Variants in ZNF423 observed in about 807,000 individuals in gnomAD.
ZNF423 encodes Ebf-associated zinc finger protein.
ZNF423 carries 12 observed loss-of-function variants against 95.8 expected under a neutral mutation model. The ratio of observed to expected loss-of-function variants is 0.13; its 90% confidence interval spans 0.08 to 0.20. ZNF423 has a LOEUF of 0.20. Ranked by LOEUF, ZNF423 falls within the 10% of genes least tolerant of loss-of-function variation. The pLI is 1.00. For synonymous variants in ZNF423, 749 were observed against 711.9 expected (o/e 1.05, Z -0.83); for missense variants, 1,316 against 1,737.1 (o/e 0.76, Z 4.31).
chr16:49,766,112 G>T (rs1049728989), intron 2 of ZNF423, among the ~76,000 whole-genome samples: 2 of 152,168 alleles, frequency 1.3e-5, no homozygotes, highest in African/African-American at 4.8e-5. Flanking sequence ...TTTCTAAAAA[G>T]AAAATTTTAA....
At chr16:49,723,953 C>T (rs1300716048) in intron 3 of ZNF423, among the ~76,000 whole-genome samples, 3 of 152,248 alleles carry the variant, frequency 2.0e-5, no homozygotes, top group African/African-American at 7.2e-5. Context: ...CCTGTCCCCA[C>T]TCCCTGTTCC....
chr16:49,602,939 G>A (rs868216895), intron 5 of ZNF423, among the ~76,000 whole-genome samples: 2 of 152,228 alleles, frequency 1.3e-5, no homozygotes, highest in Admixed American at 6.5e-5. Context: ...AGCTGCCGGC[G>A]GGCGATCAGC....
intron 5 of ZNF423, among the ~76,000 whole-genome samples, chr16:49,581,587 A>C (rs1306171725): frequency 6.6e-6 from 1 of 152,132 alleles, no homozygotes; most frequent in Non-Finnish European, 1.5e-5. Context: ...GAATCCTCCC[A>C]ACACATTTTA....
At chr16:49,688,476 C>G (rs914221962) in intron 3 of ZNF423, among the ~76,000 whole-genome samples, 1 of 152,158 alleles carries the variant, frequency 6.6e-6, no homozygotes, top group Non-Finnish European at 1.5e-5. Context: ...CCCCGAGTGA[C>G]GGGAACCTTC....
At chr16:49,529,560 G>T (rs951530141) in intron 5 of ZNF423, among the ~76,000 whole-genome samples, 12 of 152,158 alleles carry the variant, frequency 7.9e-5, no homozygotes, top group Non-Finnish European at 1.6e-4. Flanking sequence ...GAAGAGCATC[G>T]TGCCGAGATG....
At chr16:49,719,483 T>C (rs2032802883) in intron 3 of ZNF423, among the ~76,000 whole-genome samples, 1 of 152,230 alleles carries the variant, frequency 6.6e-6, no homozygotes, top group African/African-American at 2.4e-5. Context: ...ACTTGGGTGA[T>C]ATAGTCTGGC....
intron 5 of ZNF423, among the ~76,000 whole-genome samples, chr16:49,623,754 G>A (rs553513334): frequency 3.3e-5 from 5 of 152,224 alleles, no homozygotes; most frequent in East Asian, 1.9e-4. Context: ...CCCACTCTCC[G>A]CCAGGTGAGC....
chr16:49,626,145 T>C (rs1223820447), intron 5 of ZNF423, 25 bp downstream of exon 5: 2 of 1,609,174 alleles, frequency 1.2e-6, no homozygotes, highest in African/African-American at 1.3e-5. Context: ...AGCTCCAGCA[T>C]GGCTGGGAGG....
intron 3 of ZNF423, among the ~76,000 whole-genome samples, chr16:49,710,088 A>G (rs527432891): frequency 1.3e-5 from 2 of 152,350 alleles, no homozygotes; most frequent in African/African-American, 4.8e-5. Flanking sequence ...TTGAAACTCT[A>G]GAACAAATCT....
intron 3 of ZNF423, among the ~76,000 whole-genome samples, chr16:49,640,417 GACAC>G (rs143037877): frequency 1.3e-5 from 2 of 151,520 alleles, no homozygotes; most frequent in East Asian, 3.9e-4. Context: ...TTCACCTGCA[GACAC>G]ACACACACAC....
intron 3 of ZNF423, among the ~76,000 whole-genome samples, chr16:49,680,936 C>A (rs982360529): frequency 1.4e-5 from 2 of 141,416 alleles, no homozygotes; most frequent in African/African-American, 4.9e-5. Context: ...TCCTGTGACA[C>A]CAACTTAGGC....
chr16:49,837,479 G>A lies in ZNF423; in HGVS notation c.40+18256C>T, dbSNP rs992593015. Among the ~76,000 whole-genome samples, 11 of 152,250 alleles carry A rather than the reference G, an allele frequency of 7.2e-5. 1 individual carries two copies. The highest frequency in any genetic ancestry group is 4.6e-4 in the Admixed American group (7 of 15,292). Reference sequence around the variant, plus strand: ...AGGGGTCATTTAAGCACAAGGCCCCGGTGGCTTTCCCTGGGGACTCCCCAG... The same window carrying A: ...AGGGGTCATTTAAGCACAAGGCCCCAGTGGCTTTCCCTGGGGACTCCCCAG... On this transcript the variant is annotated intron_variant, in intron 1 of 7. Transcript: ENST00000563137.
Position 49,636,340 on chromosome 16 carries a change from T to C in ZNF423, c.2836A>G (p.Thr946Ala), listed in dbSNP as rs1207670626. ...CGTAGCCCGTTCTCCGAGAAGAAAG[T>C]CCGTGAACAAACGTTGCACTTGTGA... ...GSHKCNVCSRTFFSENGLREH... is the reference protein window; with the variant it reads ...GSHKCNVCSRAFFSENGLREH... The change falls in exon 4 of 8, where the codon ACT (threonine) becomes GCT (alanine). Residue 946 changes from threonine to alanine, a missense_variant. By Grantham distance (58) the Thr-to-Ala change is moderately conservative. Coordinates refer to ENST00000563137, the MANE Select transcript of ZNF423 (RefSeq NM_001379286.1). This position sits in a 1 kb window ranked among gnomAD's most constrained non-coding sequence, Gnocchi z 8.6. 2.5e-6 allele frequency: 4 copies of C among 1,612,622 alleles called. No individual in the cohort carries two copies. Among genetic ancestry groups the C allele is most frequent in the Non-Finnish European group, 3.4e-6 (4 of 1,180,012 alleles).
intron 3 of ZNF423, among the ~76,000 whole-genome samples, chr16:49,644,188 G>C (rs1263964837): frequency 6.6e-6 from 1 of 152,190 alleles, no homozygotes; most frequent in Non-Finnish European, 1.5e-5. Context: ...TCCTGCAGTG[G>C]GGGGCACACA....
intron 2 of ZNF423, among the ~76,000 whole-genome samples, chr16:49,781,526 C>G (rs558583909): frequency 6.6e-6 from 1 of 152,120 alleles, no homozygotes; most frequent in South Asian, 2.1e-4. Flanking sequence ...AGTGCAGAAG[C>G]GCAGGGGTGT....
In ZNF423 at chr16:49,636,151, C is replaced by T; in HGVS notation, c.3025G>A (p.Glu1009Lys). ...ATCTGGCAGTGCTCAATAAACTCCTCCTCGCTCTGCAGGGGCATCTTGCAG... is the reference window on the plus strand; with the variant it reads ...ATCTGGCAGTGCTCAATAAACTCCTTCTCGCTCTGCAGGGGCATCTTGCAG... The part of the protein sequence containing the change: ...RICKMPLQSE[E>K]EFIEHCQMHP... The change falls in exon 4 of 8, where the codon GAG becomes AAG. Residue 1009 changes from glutamate (E) to lysine (K), a missense_variant. Glu to Lys is a moderately conservative substitution (Grantham distance 56, BLOSUM62 1). Transcript: ENST00000563137. This position sits in a 1 kb window ranked among gnomAD's most constrained non-coding sequence, Gnocchi z 8.6. The T allele has an allele frequency of 6.2e-7, 1 of 1,613,790 alleles. No individual in the cohort carries two copies. Among genetic ancestry groups the T allele is most frequent in the Non-Finnish European group, 8.5e-7 (1 of 1,180,030 alleles).
intron 2 of ZNF423, among the ~76,000 whole-genome samples, chr16:49,743,587 A>C (rs2033459243): frequency 6.6e-6 from 1 of 152,000 alleles, no homozygotes. Context: ...CCAGGGAGGG[A>C]TGGGACAACA....
intron 1 of ZNF423, among the ~76,000 whole-genome samples, chr16:49,815,888 A>AT (rs1332393030): frequency 7.5e-5 from 3 of 39,850 alleles, no homozygotes; most frequent in African/African-American, 3.3e-4. Context: ...AAAAATATAT[A>AT]TATATATATA....
intron 3 of ZNF423, chr16:49,664,271 G>T (rs113682712): frequency 8.1e-6 from 8 of 985,490 alleles, no homozygotes; most frequent in Non-Finnish European, 8.4e-6. Context: ...CTGGGCCGGC[G>T]GAGAAGGATG....
Sources: allele counts gnomAD v4.1 joint callset (sites outside exome capture counted in the v4.1 genomes callset), GRCh38; gene constraint gnomAD v4.1.1; non-coding constraint Gnocchi (gnomAD v3.1); transcripts MANE v1.5; gene names NCBI Gene and HGNC (gene_info 2026-07-23, HGNC 2026-07-21).